CACFD1: variants seen among roughly 807,000 people sequenced by gnomAD.
CACFD1 encodes the protein calcium channel flower domain containing 1, also known as calcium channel flower homolog.
In CACFD1, 26 loss-of-function variants were observed where a neutral mutation model predicts 21.3. The ratio of observed to expected loss-of-function variants is 1.22; its 90% confidence interval spans 0.89 to 1.69. The LOEUF (loss-of-function observed/expected upper bound fraction) is 1.69. CACFD1 is among the 40% of genes most tolerant of loss of function. The pLI, the probability that CACFD1 is intolerant of heterozygous loss-of-function variation, is 0.00. For synonymous variants in CACFD1, 121 were observed against 106.6 expected (o/e 1.13, Z -0.83); for missense variants, 265 against 236.2 (o/e 1.12, Z -0.80).
chr9:133,470,407 C>G lies in CACFD1; in HGVS notation c.*1754C>G, dbSNP rs993046255. The G allele has an allele frequency of 2.6e-5, 4 of 152,508 alleles. No homozygotes were observed. The allele number at this position is 152,508 out of a possible 1,614,324, so 9.4% of individuals were successfully genotyped here. On this transcript the variant is annotated 3_prime_UTR_variant, in exon 5 of 5. Transcript: ENST00000316948. ...TTTCCAGAGGGGTCTCACTGACAGCCAGAGACAGCAGGAGAAGGGTTGGCT... is the reference window on the plus strand; with the variant it reads ...TTTCCAGAGGGGTCTCACTGACAGCGAGAGACAGCAGGAGAAGGGTTGGCT...
intron 1 of CACFD1, among the ~76,000 whole-genome samples, chr9:133,460,469 G>A (rs1843123558): frequency 2.2e-5 from 3 of 138,442 alleles, no homozygotes; most frequent in African/African-American, 7.9e-5. Flanking sequence ...AGGGCGGGGG[G>A]GCGGCGGGGG....
At chr9:133,460,832 C>T (rs1352487164) in intron 1 of CACFD1, among the ~76,000 whole-genome samples, 2 of 152,236 alleles carry the variant, frequency 1.3e-5, no homozygotes, top group Non-Finnish European at 2.9e-5. Context: ...CATATCTCCC[C>T]CGTTGCTGCT....
chr9:133,460,196 C>A lies in CACFD1; in HGVS notation c.121+9C>A, dbSNP rs966429003. 8 of 1,533,114 alleles carry A rather than the reference C, an allele frequency of 5.2e-6. No individual in the cohort carries two copies. The highest frequency in any genetic ancestry group is 6.1e-6 in the Non-Finnish European group (7 of 1,140,922). 95.0% of individuals were successfully genotyped at this position (1,533,114 alleles called of 1,614,324 possible). ...GGTGCTGGGGGCAGTCTGTGAGTATCCAGTCGGGGAGAGGGGCCGGCCCCG... is the reference window on the plus strand; with the variant it reads ...GGTGCTGGGGGCAGTCTGTGAGTATACAGTCGGGGAGAGGGGCCGGCCCCG... On this transcript the variant is annotated intron_variant, in intron 1 of 4. Coordinates refer to ENST00000316948, the MANE Select transcript of CACFD1 (RefSeq NM_017586.5).
Position 133,460,024 on chromosome 9 carries a change from G to A in CACFD1, c.-43G>A, listed in dbSNP as rs1285901292. On this transcript the variant is annotated 5_prime_UTR_variant, in exon 1 of 5. Coordinates refer to ENST00000316948, the MANE Select transcript of CACFD1 (RefSeq NM_017586.5). The stretch of plus-strand genomic sequence containing the variant: ...GCCGGCTCGGACGCGGCCGGCTACC[G>A]AGCCCTTTGTGAGGGCTGTGAGCTG... 2.0e-6 allele frequency: 3 copies of A among 1,504,414 alleles called. No homozygotes were observed. Among genetic ancestry groups the A allele is most frequent in the Non-Finnish European group, 1.8e-6 (2 of 1,126,934 alleles). The allele number at this position is 1,504,414 out of a possible 1,614,324, so 93.2% of individuals were successfully genotyped here. A position where few individuals can be genotyped will look rare whatever the true frequency, so the allele number is the denominator to read the frequency against.
intron 2 of CACFD1, among the ~76,000 whole-genome samples, chr9:133,464,311 A>G (rs1205599607): frequency 1.3e-5 from 2 of 152,148 alleles, no homozygotes; most frequent in Non-Finnish European, 2.9e-5. Flanking sequence ...TGGGGTCCTC[A>G]GTGCTTGTGC....
intron 1 of CACFD1, among the ~76,000 whole-genome samples, chr9:133,460,872 C>T (rs1044967007): frequency 2.6e-5 from 4 of 152,212 alleles, no homozygotes; most frequent in Admixed American, 1.3e-4. Context: ...GGCCTTCCTC[C>T]CCTTCTCCGC....
Position 133,465,341 on chromosome 9 carries a change from TTGCTGTG to T in CACFD1, c.217_223del (p.Leu73ArgfsTer43). ...CTGCAGCATGAATGCCTTCATCTTGTTGCTGTGTGAGGCGCCCTTCTGCTGCCAGTTC... is the reference window on the plus strand; with the variant it reads ...CTGCAGCATGAATGCCTTCATCTTGTTGAGGCGCCCTTCTGCTGCCAGTTC... On this transcript the variant is annotated frameshift_variant, in exon 3 of 5. Transcript: ENST00000316948. LOFTEE classifies it high-confidence loss of function. The surrounding 1 kb of genome is among the most constrained non-coding windows in gnomAD (Gnocchi z 5.0). 1 of 1,614,066 alleles carries T rather than the reference TTGCTGTG, an allele frequency of 6.2e-7. No individual in the cohort carries two copies. Among genetic ancestry groups the T allele is most frequent in the Non-Finnish European group, 8.5e-7 (1 of 1,179,986 alleles).
chr9:133,467,695 T>TC (rs1843493620), intron 3 of CACFD1, among the ~76,000 whole-genome samples: 1 of 152,206 alleles, frequency 6.6e-6, no homozygotes, highest in Non-Finnish European at 1.5e-5. Context: ...ACAGACCCCT[T>TC]CAAAAATCTG....
chr9:133,466,055 A>G (rs1005103164), intron 3 of CACFD1, among the ~76,000 whole-genome samples: 1 of 152,198 alleles, frequency 6.6e-6, no homozygotes, highest in East Asian at 1.9e-4. Flanking sequence ...TGTATTCATT[A>G]TTGTCTAGGT....
At chr9:133,462,883 G>A (rs1020566956) in intron 1 of CACFD1, among the ~76,000 whole-genome samples, 6 of 152,246 alleles carry the variant, frequency 3.9e-5, no homozygotes, top group Non-Finnish European at 7.3e-5. Context: ...GAGGAGAAAC[G>A]GGTCTAGGAA....
chr9:133,460,219 C>A, intron 1 of CACFD1, 32 bp downstream of exon 1: 2 of 1,504,340 alleles, frequency 1.3e-6, no homozygotes, highest in Non-Finnish European at 1.8e-6. Flanking sequence ...GGGGCCGGCC[C>A]CGCCGCGCAT....
At chr9:133,468,067 T>C (rs1843513738) in intron 4 of CACFD1, 39 bp downstream of exon 4, 3 of 1,524,316 alleles carry the variant, frequency 2.0e-6, no homozygotes, top group South Asian at 2.3e-5. Flanking sequence ...AGGGCCTTCC[T>C]CCCTCCGCCC....
At chr9:133,460,488 G>GGGCACC in intron 1 of CACFD1, among the ~76,000 whole-genome samples, 1 of 95,962 alleles carries the variant, frequency 1.0e-5, no homozygotes, top group Admixed American at 1.1e-4. Context: ...GGCGGGGGTG[G>GGGCACC]GGCACCGGCC....
rs587673020 is a variant in CACFD1, at chr9:133,460,404, C to CGGGCT, written c.121+230_121+234dup. On this transcript the variant is annotated intron_variant, in intron 1 of 4. Coordinates refer to ENST00000316948, the MANE Select transcript of CACFD1 (RefSeq NM_017586.5). ...CTCGGGCCTGGGCGCCTTGGTACCC[C>CGGGCT]GGGCTGGGCTGGGCTGGCGCTTCTG... 6.8e-3 allele frequency among the ~76,000 whole-genome samples: 824 copies of CGGGCT among 120,624 alleles called. 11 individuals carry two copies. The highest frequency in any genetic ancestry group is 0.02 in the African/African-American group (747 of 37,782). 79.1% of individuals were successfully genotyped at this position (120,624 alleles called of 152,430 possible). A position where few individuals can be genotyped will look rare whatever the true frequency, so the allele number is the denominator to read the frequency against.
intron 1 of CACFD1, chr9:133,462,231 C>A: frequency 7.7e-7 from 1 of 1,304,268 alleles, no homozygotes; most frequent in Non-Finnish European, 1.0e-6. Context: ...TGAGGCCAGG[C>A]ACAGCAGAGA....
rs782615152 is a variant in CACFD1 at position 133,468,620 on chromosome 9, G to A, written c.486G>A (p.Glu162=). The A allele has an allele frequency of 8.8e-6, 14 of 1,587,820 alleles. 1 individual carries two copies. Among genetic ancestry groups the A allele is most frequent in the Non-Finnish European group, 1.0e-5 (12 of 1,169,870 alleles). The part of the protein sequence containing the change: ...IQQQRQQADE[E]KLAETLEGEL ...AGCAGAGGCAGCAGGCGGATGAGGA[G>A]AAGCTCGCGGAGACCCTGGAGGGGG... is the stretch of plus-strand genomic sequence containing the variant. Residue 162 remains glutamate (E), a synonymous_variant, in exon 5 of 5, where the codon GAG becomes GAA. Coordinates refer to ENST00000316948, the MANE Select transcript of CACFD1 (RefSeq NM_017586.5).
chr9:133,460,272 C>A lies in CACFD1; in HGVS notation c.121+85C>A, dbSNP rs587706782. On this transcript the variant is annotated intron_variant, in intron 1 of 4. Coordinates refer to ENST00000316948, the MANE Select transcript of CACFD1 (RefSeq NM_017586.5). ...CTGCCCCGCCCCGCCCCGGCGGCCC[C>A]AGGGGAAAGGACCCGCTGGGGGTCG... 7.0e-6 allele frequency: 9 copies of A among 1,282,022 alleles called. No individual in the cohort carries two copies. In the South Asian group the frequency reaches 1.6e-4, roughly 23 times the overall value. The allele number at this position is 1,282,022 out of a possible 1,614,324, so 79.4% of individuals were successfully genotyped here. A position where few individuals can be genotyped will look rare whatever the true frequency, so the allele number is the denominator to read the frequency against.
rs1843648989 is a variant in CACFD1, at chr9:133,470,365, C to T, written c.*1712C>T. 6.6e-6 allele frequency: 1 copy of T among 152,642 alleles called. No homozygotes were observed. Among genetic ancestry groups the T allele is most frequent in the Middle Eastern group, 3.4e-3 (1 of 296 alleles). The allele number at this position is 152,642 out of a possible 1,614,324, so 9.5% of individuals were successfully genotyped here. On this transcript the variant is annotated 3_prime_UTR_variant, in exon 5 of 5. Transcript: ENST00000316948. ...GGACCCCGGGCCCCCTTCTGCCTGG[C>T]TTGCCTGCTTCTGCCCTTTCCAGAG...
chr9:133,463,063 G>T (rs1554798835), intron 1 of CACFD1, among the ~76,000 whole-genome samples: 1 of 152,248 alleles, frequency 6.6e-6, no homozygotes, highest in Non-Finnish European at 1.5e-5. Flanking sequence ...CCGGCCCTGT[G>T]AATGGTGGCA....
Sources: gnomAD v4.1 joint callset for allele counts (sites outside exome capture counted in the v4.1 genomes callset) on GRCh38, gnomAD v4.1.1 for gene constraint, Gnocchi (gnomAD v3.1) non-coding constraint, MANE v1.5 for transcripts, NCBI Gene and HGNC (gene_info 2026-07-23, HGNC 2026-07-21) for gene names.